The following FRYL variants were observed in gnomAD, a reference collection of about 807,000 sequenced individuals.
The protein encoded by FRYL is protein furry homolog-like.
Under a neutral mutation model 351.2 loss-of-function variants are expected in FRYL, and 150 were observed. That is an observed-to-expected ratio of 0.43 (90% confidence interval 0.37 to 0.49). The LOEUF is 0.49. Ranked by LOEUF, FRYL falls within the 20% of genes least tolerant of loss-of-function variation. FRYL has a pLI of 0.00. For missense variants in FRYL, 3,036 were observed against 3,619.3 expected, an observed-to-expected ratio of 0.84 and a Z score of 4.13; for synonymous variants, 1,153 against 1,257.1, an observed-to-expected ratio of 0.92 and a Z score of 1.75.
At chr4:48,702,994 G>A (rs915370786) in intron 2 of FRYL, among the ~76,000 whole-genome samples, 35 of 152,154 alleles carry the variant, frequency 2.3e-4, no homozygotes, top group African/African-American at 7.2e-4. Flanking sequence ...ATGGAAGATC[G>A]GAGATGAGCT....
intron 2 of FRYL, among the ~76,000 whole-genome samples, chr4:48,706,656 T>C (rs538560049): frequency 5.3e-5 from 8 of 152,198 alleles, no homozygotes; most frequent in Non-Finnish European, 1.2e-4. Flanking sequence ...TATGCACACT[T>C]TAGCACAATA....
chr4:48,609,192 T>C (rs1747516470), intron 8 of FRYL, 125 bp from the exon 9 acceptor site: 2 of 632,920 alleles, frequency 3.2e-6, no homozygotes, highest in African/African-American at 1.9e-5. Flanking sequence ...ATTTATATGA[T>C]AAAAGCAATA....
Position 48,542,032 on chromosome 4 carries a change from A to C in FRYL, c.5682T>G (p.Leu1894=). 1.2e-6 allele frequency: 2 copies of C among 1,609,532 alleles called. No homozygotes were observed. The highest frequency in any genetic ancestry group is 1.7e-4 in the Middle Eastern group (1 of 6,044). The change falls in exon 45 of 64, where the codon CTT becomes CTG. Residue 1894 remains leucine (L), a synonymous_variant. Transcript: ENST00000358350. The stretch of plus-strand genomic sequence containing the variant: ...TGCCTGGTTTAAATTCTTACTGAGA[A>C]AGGGCAGAAAGAAGATCATAATGCT... ...TMKHYDLLSA[L]SQTSYHDPIM...
At chr4:48,680,983 C>T in intron 3 of FRYL, 1 of 1,277,198 alleles carries the variant, frequency 7.8e-7, no homozygotes, top group Non-Finnish European at 1.0e-6. Context: ...ATTGGTTCCA[C>T]CTTGCTCATC....
intron 60 of FRYL, among the ~76,000 whole-genome samples, 159 bp from the exon 61 acceptor site, chr4:48,503,004 TA>T (rs778148775): frequency 2.0e-5 from 3 of 152,174 alleles, no homozygotes; most frequent in Non-Finnish European, 4.4e-5. Context: ...ATTTCCAGAA[TA>T]AAACTTTTTA....
rs549811260 is a variant in FRYL, at chr4:48,726,153, A to G, written c.-383-15455T>C. The stretch of plus-strand genomic sequence containing the variant: ...TGTGGGGGTAGGTGGTGAGGTGGTC[A>G]GGCTTACCAAACCAGCACCTGCAAT... On this transcript the variant is annotated intron_variant, in intron 1 of 63. Coordinates refer to ENST00000358350, the MANE Select transcript of FRYL (RefSeq NM_015030.2). 3.3e-5 allele frequency among the ~76,000 whole-genome samples: 5 copies of G among 152,372 alleles called. No homozygotes were observed. The South Asian group carries it at 1.0e-3, about 32-fold the overall frequency.
At chr4:48,605,471 G>A (rs1211099577) in intron 11 of FRYL, among the ~76,000 whole-genome samples, 1 of 152,180 alleles carries the variant, frequency 6.6e-6, no homozygotes, top group Non-Finnish European at 1.5e-5. Flanking sequence ...CAAAAAGAAT[G>A]TAATTAATCT....
chr4:48,707,869 G>A (rs1173766898), intron 2 of FRYL, among the ~76,000 whole-genome samples: 1 of 150,376 alleles, frequency 6.6e-6, no homozygotes, highest in Non-Finnish European at 1.5e-5. Context: ...CTCCCAGGCT[G>A]GAGTGCAGTG....
intron 1 of FRYL, among the ~76,000 whole-genome samples, chr4:48,715,221 G>T (rs1197333083): frequency 1.3e-5 from 2 of 151,346 alleles, no homozygotes; most frequent in African/African-American, 4.8e-5. Flanking sequence ...ACAAGACAGG[G>T]ATGCCCTCTC....
intron 33 of FRYL, among the ~76,000 whole-genome samples, chr4:48,560,191 G>A (rs1265139011): frequency 6.6e-6 from 1 of 152,186 alleles, no homozygotes; most frequent in Non-Finnish European, 1.5e-5. Context: ...TCTGGAGAAA[G>A]AAAGGATCAG....
intron 38 of FRYL, among the ~76,000 whole-genome samples, chr4:48,550,033 G>T (rs1402898744): frequency 6.6e-6 from 1 of 152,202 alleles, no homozygotes. Flanking sequence ...CCACAGTGGG[G>T]CTGCGGGGTG....
chr4:48,601,713 A>G (rs1472732238), intron 13 of FRYL, among the ~76,000 whole-genome samples: 1 of 152,168 alleles, frequency 6.6e-6, no homozygotes, highest in African/African-American at 2.4e-5. Flanking sequence ...TTGTGAGATT[A>G]ATACTCTATA....
At chr4:48,524,243 T>C (rs1239672566) in intron 53 of FRYL, among the ~76,000 whole-genome samples, 1 of 151,904 alleles carries the variant, frequency 6.6e-6, no homozygotes, top group Non-Finnish European at 1.5e-5. Context: ...TGGCAGTCAA[T>C]TGTGCAAAAC....
At chr4:48,586,545 C>T in intron 19 of FRYL, 76 bp downstream of exon 19, 1 of 927,168 alleles carries the variant, frequency 1.1e-6, no homozygotes, top group Admixed American at 1.8e-5. Context: ...TTAGTGATAA[C>T]AGTAACAAAG....
intron 4 of FRYL, among the ~76,000 whole-genome samples, chr4:48,629,005 T>C (rs1399769987): frequency 1.3e-5 from 2 of 149,578 alleles, no homozygotes; most frequent in African/African-American, 4.9e-5. Context: ...GTAATAAAAG[T>C]TATAGTAATA....
At chr4:48,704,050 A>T (rs1767042362) in intron 2 of FRYL, among the ~76,000 whole-genome samples, 1 of 152,216 alleles carries the variant, frequency 6.6e-6, no homozygotes, top group Non-Finnish European at 1.5e-5. Context: ...ACAAGTGGAG[A>T]CACTAAATGT....
At chr4:48,687,492 C>CGGGGGGGGGGGGGAGGGGGGGG (rs1765256219) in intron 2 of FRYL, among the ~76,000 whole-genome samples, 1 of 46,566 alleles carries the variant, frequency 2.1e-5, no homozygotes, top group African/African-American at 1.1e-4. Context: ...CAAATGAGGT[C>CGGGGGGGGGGGGGAGGGGGGGG]GGGGGGGGGG....
At position 48,753,232 on chromosome 4, in the gene FRYL, A is replaced by C. The variant is rs1018697476; in HGVS notation, c.-384+26846T>G. 5.9e-5 allele frequency among the ~76,000 whole-genome samples: 9 copies of C among 152,190 alleles called. 1 individual carries two copies. The highest frequency in any genetic ancestry group is 1.3e-4 in the Non-Finnish European group (9 of 68,036). Reference sequence around the variant, plus strand: ...ACTCAGCTCTACAATGAGTATTTACATAAAAAATTTAGGCTCAATATAAAA... The same window carrying C: ...ACTCAGCTCTACAATGAGTATTTACCTAAAAAATTTAGGCTCAATATAAAA... On this transcript the variant is annotated intron_variant, in intron 1 of 63. Coordinates refer to ENST00000358350, the MANE Select transcript of FRYL (RefSeq NM_015030.2).
intron 1 of FRYL, among the ~76,000 whole-genome samples, chr4:48,715,137 C>G (rs1476339130): frequency 6.6e-6 from 1 of 151,974 alleles, no homozygotes; most frequent in African/African-American, 2.4e-5. Context: ...ATAATAAGAG[C>G]TATCTATGAC....
Sources: gnomAD v4.1 joint callset for allele counts (sites outside exome capture counted in the v4.1 genomes callset) on GRCh38, gnomAD v4.1.1 for gene constraint, MANE v1.5 for transcripts, NCBI Gene and HGNC (gene_info 2026-07-23, HGNC 2026-07-21) for gene names.